KHDRBS2: variants seen among roughly 807,000 people sequenced by gnomAD.
KHDRBS2 encodes the protein KH domain-containing, RNA-binding, signal transduction-associated protein 2.
KHDRBS2 carries 26 observed loss-of-function variants against 44.3 expected under a neutral mutation model. The observed-to-expected ratio is 0.59, with a 90% CI of 0.43 to 0.81. The LOEUF (loss-of-function observed/expected upper bound fraction) is 0.81, where lower values mean the gene tolerates loss of function less well. Among genes scored for constraint, KHDRBS2 ranks in the 40% least tolerant of loss-of-function variants. KHDRBS2 has a pLI of 0.00. For synonymous variants in KHDRBS2, 194 were observed against 151.1 expected (o/e 1.28, Z -2.08); for missense variants, 476 against 433.1 (o/e 1.10, Z -0.88).
At chr6:61,665,574 G>T in the KHDRBS2 span, among the ~76,000 whole-genome samples, 1,109 of 151,236 alleles carry the variant, frequency 7.3e-3, 7 homozygotes, top group Non-Finnish European at 9.5e-3. Flanking sequence ...TAGAAGGTTG[G>T]TAAGTATATG....
intron 8 of KHDRBS2, among the ~76,000 whole-genome samples, chr6:61,686,412 T>C (rs1464973238): frequency 1.3e-5 from 2 of 151,776 alleles, no homozygotes; most frequent in Non-Finnish European, 2.9e-5. Context: ...CTAAGGAGTA[T>C]TATTCTATTT....
intron 4 of KHDRBS2, among the ~76,000 whole-genome samples, chr6:61,904,283 A>G (rs539840923): frequency 6.6e-6 from 1 of 152,186 alleles, no homozygotes. Context: ...ATGCTCACCA[A>G]TTCAACTGCA....
chr6:61,805,942 T>C (rs868646993), intron 6 of KHDRBS2, among the ~76,000 whole-genome samples: 1 of 152,130 alleles, frequency 6.6e-6, no homozygotes, highest in South Asian at 2.1e-4. Context: ...AGAGGCAGTA[T>C]GGATAAATAA....
chr6:61,779,109 C>T (rs922440513), intron 6 of KHDRBS2, among the ~76,000 whole-genome samples: 1 of 152,138 alleles, frequency 6.6e-6, no homozygotes, highest in Non-Finnish European at 1.5e-5. Context: ...AATATCCTCC[C>T]ATCATGCCAT....
At chr6:62,002,539 C>T (rs1416694396) in intron 3 of KHDRBS2, among the ~76,000 whole-genome samples, 1 of 151,220 alleles carries the variant, frequency 6.6e-6, no homozygotes, top group Admixed American at 6.6e-5. Context: ...CTCTAAATAA[C>T]AGCATTTAAC....
At chr6:62,047,762 G>T in intron 3 of KHDRBS2, 116 bp downstream of exon 3, 1 of 704,658 alleles carries the variant, frequency 1.4e-6, no homozygotes, top group Admixed American at 2.1e-5. Context: ...GTGATCCCAG[G>T]AAATGGAAAT....
At chr6:61,596,597 A>G in the KHDRBS2 span, among the ~76,000 whole-genome samples, 1 of 152,116 alleles carries the variant, frequency 6.6e-6, no homozygotes, top group Admixed American at 6.6e-5. Flanking sequence ...TTATTGCTCT[A>G]AGTAGTTGTT....
intron 2 of KHDRBS2, among the ~76,000 whole-genome samples, chr6:62,117,858 C>T (rs1250207328): frequency 4.6e-5 from 7 of 152,130 alleles, no homozygotes; most frequent in African/African-American, 1.7e-4. Context: ...TCACTGAAAC[C>T]TCTGCCTCCT....
intron 1 of KHDRBS2, among the ~76,000 whole-genome samples, chr6:62,280,558 G>A (rs531593884): frequency 2.0e-5 from 3 of 152,186 alleles, no homozygotes; most frequent in Admixed American, 6.5e-5. Context: ...GGACAGTGAT[G>A]AAGACAGAAG....
the KHDRBS2 span, among the ~76,000 whole-genome samples, chr6:61,601,292 T>A: frequency 6.6e-6 from 1 of 152,008 alleles, no homozygotes; most frequent in African/African-American, 2.4e-5. Flanking sequence ...TACCCTCTCT[T>A]TTCTCTGGAC....
rs571939017 is a variant in KHDRBS2 at position 62,227,395 on chromosome 6, G to A, written c.92-50083C>T. On this transcript the variant is annotated intron_variant, in intron 1 of 8. Transcript: ENST00000281156. ...TTTTTTATCCTGAGACTTTGCTGAA[G>A]TTGCTTAGCAGCTTAAGGAGTTTTT... 8.5e-5 allele frequency among the ~76,000 whole-genome samples: 13 copies of A among 152,300 alleles called. No individual in the cohort carries two copies. In the South Asian group the frequency reaches 2.5e-3, roughly 29 times the overall value.
At chr6:62,145,049 G>A (rs1361603440) in intron 2 of KHDRBS2, among the ~76,000 whole-genome samples, 1 of 151,996 alleles carries the variant, frequency 6.6e-6, no homozygotes, top group African/African-American at 2.4e-5. Context: ...CTCACCAGAA[G>A]CATATTCTAG....
chr6:61,554,773 C>T, the KHDRBS2 span, among the ~76,000 whole-genome samples: 2 of 152,172 alleles, frequency 1.3e-5, no homozygotes. Flanking sequence ...ATGAAGCTTA[C>T]TTTGGCTGGA....
chr6:62,080,877 C>T (rs775633092), intron 2 of KHDRBS2, among the ~76,000 whole-genome samples: 2 of 152,090 alleles, frequency 1.3e-5, no homozygotes, highest in Non-Finnish European at 2.9e-5. Context: ...TATTAGGTTC[C>T]TCTATTATTA....
rs1289423542 is a variant in KHDRBS2 at position 62,261,408 on chromosome 6, T to G, written c.91+24450A>C. Reference sequence around the variant, plus strand: ...CCCACCTGTCTCAATGAGTTGTAACTAATTAGTCCCATTTTATAACATGAG... The same window carrying G: ...CCCACCTGTCTCAATGAGTTGTAACGAATTAGTCCCATTTTATAACATGAG... On this transcript the variant is annotated intron_variant, in intron 1 of 8. Transcript: ENST00000281156. Among the ~76,000 whole-genome samples, 4 of 151,988 alleles carry G rather than the reference T, an allele frequency of 2.6e-5. No individual in the cohort carries two copies. The East Asian group carries it at 7.8e-4, about 30-fold the overall frequency.
chr6:61,817,481 T>G (rs921360658), intron 6 of KHDRBS2, among the ~76,000 whole-genome samples: 1 of 152,130 alleles, frequency 6.6e-6, no homozygotes, highest in Non-Finnish European at 1.5e-5. Flanking sequence ...TTAGACTTTT[T>G]TTCCTTTGCT....
chr6:62,019,297 A>G (rs1286112670), intron 3 of KHDRBS2, among the ~76,000 whole-genome samples: 1 of 152,152 alleles, frequency 6.6e-6, no homozygotes, highest in African/African-American at 2.4e-5. Flanking sequence ...GCTTACATCT[A>G]TTCCAATTTT....
chr6:62,026,850 A>G (rs1783436392), intron 3 of KHDRBS2, among the ~76,000 whole-genome samples: 1 of 152,148 alleles, frequency 6.6e-6, no homozygotes, highest in Non-Finnish European at 1.5e-5. Flanking sequence ...TTTTGCCTGC[A>G]TGCATACATC....
the KHDRBS2 span, among the ~76,000 whole-genome samples, chr6:61,609,845 G>T: frequency 6.6e-6 from 1 of 152,146 alleles, no homozygotes; most frequent in South Asian, 2.1e-4. Flanking sequence ...TATATCCTGA[G>T]GAATACTAAT....
Sources: allele counts gnomAD v4.1 joint callset (sites outside exome capture counted in the v4.1 genomes callset), GRCh38; gene constraint gnomAD v4.1.1; transcripts MANE v1.5; gene names NCBI Gene and HGNC (gene_info 2026-07-23, HGNC 2026-07-21).